CDC42SE1: variants seen among roughly 807,000 people sequenced by gnomAD.
CDC42SE1 encodes the protein CDC42 small effector 1, also known as CDC42 small effector protein 1.
In CDC42SE1, 10 loss-of-function variants were observed where a neutral mutation model predicts 10.9. The observed-to-expected ratio is 0.92, with a 90% CI of 0.57 to 1.56. The LOEUF (loss-of-function observed/expected upper bound fraction) is 1.56. Among genes scored for constraint, CDC42SE1 ranks in the 40% most tolerant of loss-of-function variants. CDC42SE1 has a pLI of 0.00. For synonymous variants in CDC42SE1, 24 were observed against 32.0 expected (o/e 0.75, Z 0.85); for missense variants, 81 against 100.8 (o/e 0.80, Z 0.84).
Position 151,054,378 on chromosome 1 carries a change from C to T in CDC42SE1, c.166-57G>A, listed in dbSNP as rs1251072498. 1.4e-5 allele frequency: 19 copies of T among 1,381,048 alleles called. No individual in the cohort carries two copies. In the Middle Eastern group the frequency reaches 5.3e-4, roughly 38 times the overall value. 85.5% of individuals were successfully genotyped at this position (1,381,048 alleles called of 1,614,324 possible). ...AAGTCTTCATATCCTACAGTAAGAA[C>T]TCTACTTTGTGCCTTCCAGGGAAGA... On this transcript the variant is annotated intron_variant, in intron 3 of 4. Transcript: ENST00000357235.
Position 151,055,743 on chromosome 1 carries a change from T to C in CDC42SE1, c.-13A>G, listed in dbSNP as rs1362456843. 1.2e-6 allele frequency: 2 copies of C among 1,611,490 alleles called. No homozygotes were observed. Among genetic ancestry groups the C allele is most frequent in the Non-Finnish European group, 1.7e-6 (2 of 1,178,204 alleles). The stretch of plus-strand genomic sequence containing the variant: ...AAAATTCACTCATGTTCCCTGATGG[T>C]TCCAGCTTCACTCCGCTGTCTGAGG... On this transcript the variant is annotated 5_prime_UTR_variant, in exon 2 of 5. Coordinates refer to ENST00000357235, the MANE Select transcript of CDC42SE1 (RefSeq NM_020239.4).
rs1390065545 is a variant in CDC42SE1 at position 151,057,226 on chromosome 1, A to AAAT, written c.-263-1234_-263-1233insATT. On this transcript the variant is annotated intron_variant, in intron 1 of 4. Coordinates refer to ENST00000357235, the MANE Select transcript of CDC42SE1 (RefSeq NM_020239.4). The surrounding 1 kb of genome is among the most constrained non-coding windows in gnomAD (Gnocchi z 4.0). ...ATGCTTTGGCACCCTAGACTGATTT[A>AAAT]AAAACAAGAGATAGGCCGGGCGTGG... Among the ~76,000 whole-genome samples the AAAT allele has an allele frequency of 6.6e-6, 1 of 152,228 alleles. No homozygotes were observed. Among genetic ancestry groups the AAAT allele is most frequent in the African/African-American group, 2.4e-5 (1 of 41,470 alleles).
At position 151,057,392 on chromosome 1, in the gene CDC42SE1, G is replaced by A. The variant is rs1466024241; in HGVS notation, c.-263-1399C>T. Among the ~76,000 whole-genome samples the A allele has an allele frequency of 2.6e-5, 4 of 152,116 alleles. No homozygotes were observed. The highest frequency in any genetic ancestry group is 2.1e-4 in the South Asian group (1 of 4,826). ...CAAAAGATTAGCTGGGCGTGGTGGC[G>A]GATGCCTGTAATCCCAGCTACTTGG... On this transcript the variant is annotated intron_variant, in intron 1 of 4. Coordinates refer to ENST00000357235, the MANE Select transcript of CDC42SE1 (RefSeq NM_020239.4). This position sits in a 1 kb window ranked among gnomAD's most constrained non-coding sequence, Gnocchi z 4.0.
chr1:151,054,330 A>G lies in CDC42SE1; in HGVS notation c.166-9T>C, dbSNP rs771733475. The G allele has an allele frequency of 1.9e-6, 3 of 1,610,462 alleles. No individual in the cohort carries two copies. The highest frequency in any genetic ancestry group is 2.5e-6 in the Non-Finnish European group (3 of 1,177,008). On this transcript the variant is annotated splice_polypyrimidine_tract_variant and intron_variant, in intron 3 of 4. Transcript: ENST00000357235. ...TCCTGAACTGCACCTGTCTGTAAAAAAACAGATGCGAGACACCTTCGTAAG... is the reference window on the plus strand; with the variant it reads ...TCCTGAACTGCACCTGTCTGTAAAAGAACAGATGCGAGACACCTTCGTAAG...
rs980780623 is a variant in CDC42SE1, at chr1:151,051,251, A to G, written c.*2093T>C. 6 of 152,082 alleles carry G rather than the reference A, an allele frequency of 3.9e-5. No individual in the cohort carries two copies. The highest frequency in any genetic ancestry group is 7.4e-5 in the Non-Finnish European group (5 of 68,020). The allele number at this position is 152,082 out of a possible 1,614,324, so 9.4% of individuals were successfully genotyped here. A position where few individuals can be genotyped will look rare whatever the true frequency, so the allele number is the denominator to read the frequency against. The stretch of plus-strand genomic sequence containing the variant: ...CCTGTTAACCCTTTAGATCTCTAGT[A>G]TAACACTCAGGCTACTGAGGTATTT... On this transcript the variant is annotated 3_prime_UTR_variant, in exon 5 of 5. Transcript: ENST00000357235.
chr1:151,054,004 A>AT (rs963196120), intron 4 of CDC42SE1, among the ~76,000 whole-genome samples: 7 of 147,710 alleles, frequency 4.7e-5, no homozygotes, highest in Non-Finnish European at 7.5e-5. Context: ...TAATTTTTGT[A>AT]TTTTTTGGTA....
rs374197540 is a variant in CDC42SE1, at chr1:151,052,168, T to G, written c.*1176A>C. Reference sequence around the variant, plus strand: ...TTGCCCCCTAGGAGAAATCTGGCAATGTATAGAGACATTTTTGGTTGTCAT... The same window carrying G: ...TTGCCCCCTAGGAGAAATCTGGCAAGGTATAGAGACATTTTTGGTTGTCAT... On this transcript the variant is annotated 3_prime_UTR_variant, in exon 5 of 5. Coordinates refer to ENST00000357235, the MANE Select transcript of CDC42SE1 (RefSeq NM_020239.4). The G allele has an allele frequency of 2.6e-5, 4 of 152,276 alleles. No homozygotes were observed. Among genetic ancestry groups the G allele is most frequent in the African/African-American group, 9.6e-5 (4 of 41,550 alleles). The allele number at this position is 152,276 out of a possible 1,614,324, so 9.4% of individuals were successfully genotyped here.
In CDC42SE1 at chr1:151,052,632, G is replaced by A. The variant is rs1018353702; in HGVS notation, c.*712C>T. On this transcript the variant is annotated 3_prime_UTR_variant, in exon 5 of 5. Coordinates refer to ENST00000357235, the MANE Select transcript of CDC42SE1 (RefSeq NM_020239.4). Reference sequence around the variant, plus strand: ...GTTCCTAATAGGGATAGAGTTAAGGGCGGAGGCAACAGCAGGATGAGGATA... The same window carrying A: ...GTTCCTAATAGGGATAGAGTTAAGGACGGAGGCAACAGCAGGATGAGGATA... 1 of 152,578 alleles carries A rather than the reference G, an allele frequency of 6.6e-6. No individual in the cohort carries two copies. Among genetic ancestry groups the A allele is most frequent in the African/African-American group, 2.4e-5 (1 of 41,412 alleles). The allele number at this position is 152,578 out of a possible 1,614,324, so 9.5% of individuals were successfully genotyped here.
At position 151,055,697 on chromosome 1, in the gene CDC42SE1, C is replaced by T; in HGVS notation, c.34G>A (p.Val12Met). ...CTCACCGGCTGGGGTTTCTCTACCACACAGCAGCCCAGTTTGTGCCAAAAT... is the reference window on the plus strand; with the variant it reads ...CTCACCGGCTGGGGTTTCTCTACCATACAGCAGCCCAGTTTGTGCCAAAAT... ...SEFWHKLGCC[V>M]VEKPQPKKKR... Residue 12 changes from valine to methionine, a missense_variant, in exon 2 of 5, where the codon GTG becomes ATG. Coordinates refer to ENST00000357235, the MANE Select transcript of CDC42SE1 (RefSeq NM_020239.4). 1.9e-6 allele frequency: 3 copies of T among 1,613,502 alleles called. No homozygotes were observed. The highest frequency in any genetic ancestry group is 2.5e-6 in the Non-Finnish European group (3 of 1,179,656).
rs1676200120 is a variant in CDC42SE1, at chr1:151,052,415, G to C, written c.*929C>G. On this transcript the variant is annotated 3_prime_UTR_variant, in exon 5 of 5. Transcript: ENST00000357235. ...TTTATCTCACCATCCTCAATGATCA[G>C]AAGTCCACCTTGAGATGGACTTACT... 1 of 152,718 alleles carries C rather than the reference G, an allele frequency of 6.5e-6. No individual in the cohort carries two copies. The highest frequency in any genetic ancestry group is 6.5e-5 in the Admixed American group (1 of 15,292). 9.5% of individuals were successfully genotyped at this position (152,718 alleles called of 1,614,324 possible).
Position 151,055,691 on chromosome 1 carries a change from C to T in CDC42SE1, c.40G>A (p.Glu14Lys), listed in dbSNP as rs933560631. The change falls in exon 2 of 5, where the codon GAG becomes AAG. Residue 14 changes from glutamate to lysine, a missense_variant. Physicochemically the swap from Glu to Lys is moderately conservative, Grantham distance 56 (BLOSUM62 1). Coordinates refer to ENST00000357235, the MANE Select transcript of CDC42SE1 (RefSeq NM_020239.4). ...FWHKLGCCVV[E>K]KPQPKKKRRR... is the part of the protein sequence containing the mutation. ...GGGAGACTCACCGGCTGGGGTTTCT[C>T]TACCACACAGCAGCCCAGTTTGTGC... The T allele has an allele frequency of 8.1e-6, 13 of 1,613,294 alleles. No individual in the cohort carries two copies. The South Asian group carries it at 9.9e-5, about 12-fold the overall frequency.
rs1246488703 is a variant in CDC42SE1, at chr1:151,057,196, C to T, written c.-263-1203G>A. On this transcript the variant is annotated intron_variant, in intron 1 of 4. Coordinates refer to ENST00000357235, the MANE Select transcript of CDC42SE1 (RefSeq NM_020239.4). This position sits in a 1 kb window ranked among gnomAD's most constrained non-coding sequence, Gnocchi z 4.0. ...ATCTCCCTTTCTTGCAGGCCGGGAACCCTGATGCTTTGGCACCCTAGACTG... is the reference window on the plus strand; with the variant it reads ...ATCTCCCTTTCTTGCAGGCCGGGAATCCTGATGCTTTGGCACCCTAGACTG... Among the ~76,000 whole-genome samples, 2 of 152,322 alleles carry T rather than the reference C, an allele frequency of 1.3e-5. No homozygotes were observed. The highest frequency in any genetic ancestry group is 2.9e-5 in the Non-Finnish European group (2 of 68,028).
intron 1 of CDC42SE1, chr1:151,058,686 A>C: frequency 6.5e-6 from 1 of 152,700 alleles, no homozygotes; most frequent in Non-Finnish European, 1.5e-5. Context: ...CACCAAGATC[A>C]TACTAGGACT....
Position 151,055,975 on chromosome 1 carries a change from C to G in CDC42SE1, c.-245G>C, listed in dbSNP as rs1676270365. 1 of 558,874 alleles carries G rather than the reference C, an allele frequency of 1.8e-6. No homozygotes were observed. The highest frequency in any genetic ancestry group is 3.2e-6 in the Non-Finnish European group (1 of 311,526). The allele number at this position is 558,874 out of a possible 1,614,324, so 34.6% of individuals were successfully genotyped here. A position where few individuals can be genotyped will look rare whatever the true frequency, so the allele number is the denominator to read the frequency against. On this transcript the variant is annotated 5_prime_UTR_variant, in exon 2 of 5. Transcript: ENST00000357235. ...TGGGCAGGCAGGCACAAGGTTATGTCTTCCTCAGACTCGGAACCCTGGATT... is the reference window on the plus strand; with the variant it reads ...TGGGCAGGCAGGCACAAGGTTATGTGTTCCTCAGACTCGGAACCCTGGATT...
rs1185254506 is a variant in CDC42SE1 at position 151,054,447 on chromosome 1, C to T, written c.166-126G>A. ...GACAATAGCAGCCATCTGCTAACCA[C>T]CATTCCTCCTAGGGGAGTCTCAATG... On this transcript the variant is annotated intron_variant, in intron 3 of 4. Transcript: ENST00000357235. 2.6e-5 allele frequency: 20 copies of T among 766,006 alleles called. No individual in the cohort carries two copies. In the South Asian group the frequency reaches 2.7e-4, roughly 10 times the overall value. The allele number at this position is 766,006 out of a possible 1,614,324, so 47.5% of individuals were successfully genotyped here.
In CDC42SE1 at chr1:151,055,799, C is replaced by A; in HGVS notation, c.-69G>T. ...AAGGGCTCTTTCCCTGGTGTTTGGA[C>A]AACCCACTCCTCACTCTCCCCAGAT... On this transcript the variant is annotated 5_prime_UTR_variant, in exon 2 of 5. Coordinates refer to ENST00000357235, the MANE Select transcript of CDC42SE1 (RefSeq NM_020239.4). 7.7e-7 allele frequency: 1 copy of A among 1,297,766 alleles called. No homozygotes were observed. 80.4% of individuals were successfully genotyped at this position (1,297,766 alleles called of 1,614,324 possible).
At chr1:151,053,635 T>C (rs1051119261) in intron 4 of CDC42SE1, among the ~76,000 whole-genome samples, 3 of 151,892 alleles carry the variant, frequency 2.0e-5, no homozygotes, top group Non-Finnish European at 2.9e-5. Context: ...GCGTGTGCCA[T>C]CATGCCTGGC....
chr1:151,057,191 G>A lies in CDC42SE1; in HGVS notation c.-263-1198C>T, dbSNP rs973348560. Among the ~76,000 whole-genome samples the A allele has an allele frequency of 3.3e-5, 5 of 152,124 alleles. No homozygotes were observed. The highest frequency in any genetic ancestry group is 2.1e-4 in the South Asian group (1 of 4,828). On this transcript the variant is annotated intron_variant, in intron 1 of 4. Transcript: ENST00000357235. The surrounding 1 kb of genome is among the most constrained non-coding windows in gnomAD (Gnocchi z 4.0). Reference sequence around the variant, plus strand: ...CAGGAATCTCCCTTTCTTGCAGGCCGGGAACCCTGATGCTTTGGCACCCTA... The same window carrying A: ...CAGGAATCTCCCTTTCTTGCAGGCCAGGAACCCTGATGCTTTGGCACCCTA...
intron 4 of CDC42SE1, among the ~76,000 whole-genome samples, chr1:151,053,596 C>T (rs1369330681): frequency 6.6e-6 from 1 of 152,100 alleles, no homozygotes; most frequent in African/African-American, 2.4e-5. Context: ...ATTCTTCGGC[C>T]TCAGCCGCCT....
Sources: gnomAD v4.1 joint callset for allele counts (sites outside exome capture counted in the v4.1 genomes callset) on GRCh38, gnomAD v4.1.1 for gene constraint, Gnocchi (gnomAD v3.1) non-coding constraint, MANE v1.5 for transcripts, NCBI Gene and HGNC (gene_info 2026-07-23, HGNC 2026-07-21) for gene names.